Variants in NTNG1 observed in about 807,000 individuals in gnomAD.
The protein encoded by NTNG1 is netrin G1, also known as netrin-G1.
Under a neutral mutation model 54.0 loss-of-function variants are expected in NTNG1, and 16 were observed. The ratio of observed to expected loss-of-function variants is 0.30; its 90% CI spans 0.20 to 0.45. The LOEUF (loss-of-function observed/expected upper bound fraction) is 0.45. NTNG1 is among the 20% of genes least tolerant of loss of function. The probability of loss-of-function intolerance (pLI) is 1.00; values close to 1 mark genes in which losing one functional copy is unlikely to be tolerated. For missense variants in NTNG1, 530 were observed against 678.7 expected (o/e 0.78, Z 2.43); for synonymous variants, 255 against 263.1 (o/e 0.97, Z 0.30).
intron 2 of NTNG1, among the ~76,000 whole-genome samples, chr1:107,309,776 C>G (rs1666896165): frequency 6.6e-6 from 1 of 152,114 alleles, no homozygotes; most frequent in South Asian, 2.1e-4. Flanking sequence ...TTTCAGCTCT[C>G]CAATTAATCA....
At chr1:107,213,409 C>T (rs532254571) in intron 2 of NTNG1, among the ~76,000 whole-genome samples, 2 of 152,284 alleles carry the variant, frequency 1.3e-5, no homozygotes, top group Admixed American at 6.5e-5. Context: ...CTGTATCCAG[C>T]ATTACAGATG....
At chr1:107,211,929 G>A (rs989455774) in intron 2 of NTNG1, among the ~76,000 whole-genome samples, 1 of 152,154 alleles carries the variant, frequency 6.6e-6, no homozygotes, top group Non-Finnish European at 1.5e-5. Context: ...GGGGAGAAAT[G>A]TATTTGGAAA....
chr1:107,163,770 C>T (rs558146051), intron 2 of NTNG1, among the ~76,000 whole-genome samples: 1 of 152,170 alleles, frequency 6.6e-6, no homozygotes, highest in South Asian at 2.1e-4. Context: ...ATAACTATTT[C>T]TGAAAACAAA....
chr1:107,319,763 T>G (rs1489514861), intron 2 of NTNG1, among the ~76,000 whole-genome samples: 1 of 152,046 alleles, frequency 6.6e-6, no homozygotes, highest in Non-Finnish European at 1.5e-5. Flanking sequence ...CTCTTCATTT[T>G]CAACTGTTGT....
At chr1:107,300,208 T>G (rs1342803641) in intron 2 of NTNG1, among the ~76,000 whole-genome samples, 1 of 152,148 alleles carries the variant, frequency 6.6e-6, no homozygotes, top group Non-Finnish European at 1.5e-5. Flanking sequence ...AAGCAGAGGT[T>G]GCACACTGGC....
chr1:107,334,954 A>G (rs1326315396), intron 3 of NTNG1, among the ~76,000 whole-genome samples: 2 of 151,986 alleles, frequency 1.3e-5, no homozygotes, highest in Non-Finnish European at 2.9e-5. Context: ...AGCTTAGCCC[A>G]TTGTTTTTGG....
At chr1:107,292,889 A>C (rs1319126688) in intron 2 of NTNG1, among the ~76,000 whole-genome samples, 3 of 152,142 alleles carry the variant, frequency 2.0e-5, no homozygotes, top group Non-Finnish European at 4.4e-5. Flanking sequence ...CCTACTTCCA[A>C]GTGTAATTTC....
chr1:107,264,826 T>A (rs1199902257), intron 2 of NTNG1, among the ~76,000 whole-genome samples: 1 of 152,176 alleles, frequency 6.6e-6, no homozygotes, highest in Non-Finnish European at 1.5e-5. Flanking sequence ...CAGCTGTCCT[T>A]GGAAATTCCA....
chr1:107,336,064 C>T (rs182925657), intron 3 of NTNG1, among the ~76,000 whole-genome samples: 9 of 151,608 alleles, frequency 5.9e-5, no homozygotes, highest in African/African-American at 1.7e-4. Context: ...CGATATTTTC[C>T]GAAATAGAAA....
At chr1:107,473,926 C>T (rs1678143545) in intron 7 of NTNG1, among the ~76,000 whole-genome samples, 2 of 152,188 alleles carry the variant, frequency 1.3e-5, no homozygotes, top group African/African-American at 4.8e-5. Context: ...CACAAATTAT[C>T]TTGGTCACTC....
chr1:107,413,850 A>G (rs980194813), intron 5 of NTNG1, among the ~76,000 whole-genome samples: 1 of 152,202 alleles, frequency 6.6e-6, no homozygotes, highest in Non-Finnish European at 1.5e-5. Flanking sequence ...TTTTCATTCT[A>G]CCATGACATT....
chr1:107,317,406 C>T (rs1030826179), intron 2 of NTNG1, among the ~76,000 whole-genome samples: 1 of 152,100 alleles, frequency 6.6e-6, no homozygotes, highest in Admixed American at 6.6e-5. Flanking sequence ...ACCTCCCTAC[C>T]ACTTACAATA....
chr1:107,302,406 C>A (rs1666378083), intron 2 of NTNG1, among the ~76,000 whole-genome samples: 1 of 152,026 alleles, frequency 6.6e-6, no homozygotes, highest in South Asian at 2.1e-4. Flanking sequence ...CCATTGATAA[C>A]CAGGTTACCG....
At chr1:107,282,350 C>T (rs1664917178) in intron 2 of NTNG1, among the ~76,000 whole-genome samples, 1 of 152,108 alleles carries the variant, frequency 6.6e-6, no homozygotes, top group Admixed American at 6.6e-5. Flanking sequence ...CTAATTAACA[C>T]CCTGGGATCT....
Position 107,412,886 on chromosome 1 carries a change from G to A in NTNG1, c.1087+5178G>A, listed in dbSNP as rs7541671. Among the ~76,000 whole-genome samples the A allele has an allele frequency of 4.0e-3, 615 of 152,200 alleles. 1 individual carries two copies. The highest frequency in any genetic ancestry group is 0.014 in the African/African-American group (563 of 41,542). On this transcript the variant is annotated intron_variant, in intron 5 of 7. Transcript: ENST00000370068. ...TGAAGCATGCTTATGCCTACTCTGC[G>A]ACAGTAAACCAAAAATTTTTCTTCA... is the stretch of plus-strand genomic sequence containing the variant.
intron 3 of NTNG1, among the ~76,000 whole-genome samples, chr1:107,338,525 G>A (rs1255867781): frequency 6.6e-6 from 1 of 151,856 alleles, no homozygotes; most frequent in African/African-American, 2.4e-5. Flanking sequence ...GGATCTACAT[G>A]AACTTGGGAT....
intron 2 of NTNG1, among the ~76,000 whole-genome samples, chr1:107,177,474 G>A (rs7544333): frequency 0.83 from 126,642 of 151,898 alleles, 53,009 homozygotes; most frequent in Middle Eastern, 0.88. Context: ...AGCTGGAATT[G>A]CAGGCACTCA....
intron 2 of NTNG1, among the ~76,000 whole-genome samples, chr1:107,176,909 GC>G (rs1306808971): frequency 2.0e-5 from 3 of 152,048 alleles, no homozygotes; most frequent in Non-Finnish European, 1.5e-5. Context: ...GTTATAGGTG[GC>G]TATCCTGTAT....
chr1:107,327,076 C>A (rs1234485434), intron 3 of NTNG1, among the ~76,000 whole-genome samples: 1 of 152,172 alleles, frequency 6.6e-6, no homozygotes, highest in Non-Finnish European at 1.5e-5. Flanking sequence ...GCTCCACTGT[C>A]TTTTCCTGTT....
Sources: gnomAD v4.1 joint callset for allele counts (sites outside exome capture counted in the v4.1 genomes callset) on GRCh38, gnomAD v4.1.1 for gene constraint, MANE v1.5 for transcripts, NCBI Gene and HGNC (gene_info 2026-07-23, HGNC 2026-07-21) for gene names.